The following SUSD5 variants were observed in gnomAD, a reference collection of about 807,000 sequenced individuals.
SUSD5 encodes sushi domain containing 5.
A neutral mutation model predicts 29.5 loss-of-function variants in SUSD5; 33 were observed. The observed-to-expected ratio is 1.12, with a 90% CI of 0.85 to 1.49. SUSD5 has a LOEUF of 1.49. SUSD5 is among the 40% of genes most tolerant of loss of function. SUSD5 has a pLI of 0.00. For synonymous variants in SUSD5, 308 were observed against 325.3 expected, an observed-to-expected ratio of 0.95 and a Z score of 0.57; for missense variants, 776 against 800.6, an observed-to-expected ratio of 0.97 and a Z score of 0.37.
At chr3:33,159,756 G>A (rs1011222500) in intron 4 of SUSD5, among the ~76,000 whole-genome samples, 3 of 152,016 alleles carry the variant, frequency 2.0e-5, no homozygotes, top group Admixed American at 2.0e-4. Context: ...CTTACTGAAT[G>A]TGAATTTCTA....
At chr3:33,218,280 TTCTAACCA>T (rs1559460017) in intron 1 of SUSD5, among the ~76,000 whole-genome samples, 1 of 152,222 alleles carries the variant, frequency 6.6e-6, no homozygotes, top group East Asian at 1.9e-4. Context: ...CGAGGGAGTT[TTCTAACCA>T]TCGGCGGTGT....
chr3:33,208,400 T>A (rs2032263958), intron 2 of SUSD5, among the ~76,000 whole-genome samples: 2 of 152,164 alleles, frequency 1.3e-5, no homozygotes, highest in African/African-American at 4.8e-5. Flanking sequence ...ATTTCCATTA[T>A]AATTTTTTTC....
chr3:33,164,581 T>C (rs1160408688), intron 4 of SUSD5, among the ~76,000 whole-genome samples: 7 of 152,124 alleles, frequency 4.6e-5, no homozygotes. Context: ...ATGAAGAACA[T>C]GAAAAGGCAA....
At chr3:33,183,391 T>A (rs2031713494) in intron 3 of SUSD5, among the ~76,000 whole-genome samples, 2 of 152,210 alleles carry the variant, frequency 1.3e-5, no homozygotes, top group South Asian at 4.1e-4. Context: ...TCTTAACGTA[T>A]CAATTATACT....
chr3:33,180,848 AATT>A (rs2031655288), intron 3 of SUSD5, among the ~76,000 whole-genome samples: 1 of 149,554 alleles, frequency 6.7e-6, no homozygotes. Context: ...TCAAAAAAAA[AATT>A]TTTTTTTTTT....
chr3:33,166,619 C>CT lies in SUSD5; in HGVS notation c.598+8266dup, dbSNP rs570190308. Among the ~76,000 whole-genome samples the CT allele has an allele frequency of 1.8e-4, 28 of 152,284 alleles. No homozygotes were observed. In the East Asian group the frequency reaches 4.0e-3, roughly 22 times the overall value. The stretch of plus-strand genomic sequence containing the variant: ...TCCTGAGAACAAGGGCATGTCCCCC[C>CT]TGCCTTTGTATTCCCCCTGCCCACA... On this transcript the variant is annotated intron_variant, in intron 4 of 4. Transcript: ENST00000309558.
chr3:33,165,209 G>C (rs1036424174), intron 4 of SUSD5, among the ~76,000 whole-genome samples: 2 of 152,188 alleles, frequency 1.3e-5, no homozygotes, highest in Non-Finnish European at 1.5e-5. Flanking sequence ...ACAGCTCACA[G>C]AGCAACATGT....
chr3:33,205,334 G>A (rs927727673), intron 3 of SUSD5, among the ~76,000 whole-genome samples: 3 of 152,062 alleles, frequency 2.0e-5, no homozygotes, highest in African/African-American at 7.2e-5. Context: ...TAGAACAGTT[G>A]CTTAGCCTTT....
intron 3 of SUSD5, among the ~76,000 whole-genome samples, chr3:33,201,334 C>T (rs1182643953): frequency 6.6e-6 from 1 of 152,216 alleles, no homozygotes; most frequent in Non-Finnish European, 1.5e-5. Flanking sequence ...AAAACCAAAC[C>T]ACAAGTCCCT....
intron 3 of SUSD5, among the ~76,000 whole-genome samples, chr3:33,176,613 C>T (rs1368712326): frequency 6.6e-6 from 1 of 152,126 alleles, no homozygotes; most frequent in Non-Finnish European, 1.5e-5. Context: ...TAATGAATCC[C>T]AGCTTATCAA....
At position 33,218,681 on chromosome 3, in the gene SUSD5, C is replaced by T. The variant is rs1180064501; in HGVS notation, c.112+5G>A. 1.5e-6 allele frequency: 2 copies of T among 1,292,440 alleles called. No individual in the cohort carries two copies. Among genetic ancestry groups the T allele is most frequent in the Non-Finnish European group, 2.0e-6 (2 of 1,019,170 alleles). 80.1% of individuals were successfully genotyped at this position (1,292,440 alleles called of 1,614,324 possible). A position where few individuals can be genotyped will look rare whatever the true frequency, so the allele number is the denominator to read the frequency against. ...CCCCCGCCCCGCCGCCTCCCGCACA[C>T]TCACCATCCGCCCGCACCGAAAGGC... is the stretch of plus-strand genomic sequence containing the variant. On this transcript the variant is annotated splice_donor_5th_base_variant and intron_variant, in intron 1 of 4. Transcript: ENST00000309558.
intron 3 of SUSD5, among the ~76,000 whole-genome samples, chr3:33,187,458 C>T (rs1330628657): frequency 6.6e-6 from 1 of 152,144 alleles, no homozygotes; most frequent in Non-Finnish European, 1.5e-5. Context: ...AGCTCCAGTA[C>T]AACAGTGCTA....
intron 3 of SUSD5, among the ~76,000 whole-genome samples, chr3:33,183,402 TG>T (rs2031713729): frequency 6.6e-6 from 1 of 152,194 alleles, no homozygotes; most frequent in Non-Finnish European, 1.5e-5. Flanking sequence ...CAATTATACT[TG>T]TTTTTTTATT....
At chr3:33,158,876 C>A (rs2031114079) in intron 4 of SUSD5, among the ~76,000 whole-genome samples, 1 of 152,200 alleles carries the variant, frequency 6.6e-6, no homozygotes, top group South Asian at 2.1e-4. Context: ...ACCTTAAGGC[C>A]TCTTTCCACA....
chr3:33,197,652 A>T (rs1317598322), intron 3 of SUSD5, among the ~76,000 whole-genome samples: 1 of 152,080 alleles, frequency 6.6e-6, no homozygotes, highest in Non-Finnish European at 1.5e-5. Flanking sequence ...ACCCCAAGCA[A>T]CTATTAAGCT....
intron 3 of SUSD5, among the ~76,000 whole-genome samples, chr3:33,202,063 T>C (rs934341637): frequency 2.0e-4 from 20 of 100,162 alleles, no homozygotes; most frequent in Admixed American, 1.6e-3. Context: ...TATCTATCTG[T>C]CTATCTATCT....
chr3:33,163,242 A>G (rs950812165), intron 4 of SUSD5, among the ~76,000 whole-genome samples: 1 of 152,190 alleles, frequency 6.6e-6, no homozygotes, highest in African/African-American at 2.4e-5. Context: ...TAAAAAGGAA[A>G]TACTGCAGAC....
intron 4 of SUSD5, among the ~76,000 whole-genome samples, chr3:33,156,619 C>A (rs182684834): frequency 1.3e-5 from 2 of 152,310 alleles, no homozygotes; most frequent in Admixed American, 1.3e-4. Context: ...ATTATTAAAA[C>A]AGACTGCTTC....
chr3:33,205,669 T>A (rs1418299033), intron 3 of SUSD5, among the ~76,000 whole-genome samples: 1 of 152,194 alleles, frequency 6.6e-6, no homozygotes, highest in Admixed American at 6.5e-5. Context: ...GTCTGTGAGG[T>A]GGAAAGCCCA....
Sources: gnomAD v4.1 joint callset for allele counts (sites outside exome capture counted in the v4.1 genomes callset) on GRCh38, gnomAD v4.1.1 for gene constraint, MANE v1.5 for transcripts, NCBI Gene and HGNC (gene_info 2026-07-23, HGNC 2026-07-21) for gene names.